Variants in ELAVL3 observed in about 807,000 individuals in gnomAD.
The protein encoded by ELAVL3 is ELAV-like protein 3.
In ELAVL3, 8 loss-of-function variants were observed where a neutral mutation model predicts 34.2. The observed-to-expected ratio is 0.23, with a 90% CI of 0.14 to 0.42. The LOEUF is 0.42. Ranked by LOEUF, ELAVL3 falls within the 10% of genes least tolerant of loss-of-function variation. The pLI is 1.00. For missense variants in ELAVL3, 273 were observed against 518.8 expected, an observed-to-expected ratio of 0.53 and a Z score of 4.60; for synonymous variants, 209 against 222.1, an observed-to-expected ratio of 0.94 and a Z score of 0.53.
chr19:11,478,340 G>A (rs563777006), intron 1 of ELAVL3, among the ~76,000 whole-genome samples: 6 of 152,270 alleles, frequency 3.9e-5, no homozygotes, highest in East Asian at 1.9e-4. Flanking sequence ...AGAGCTTAGC[G>A]GGACCAGTAT....
At chr19:11,455,743 A>G (rs894696188) in intron 6 of ELAVL3, among the ~76,000 whole-genome samples, 3 of 152,014 alleles carry the variant, frequency 2.0e-5, no homozygotes, top group Non-Finnish European at 4.4e-5. Flanking sequence ...TTCCTTTTCA[A>G]ATCATATATT....
intron 1 of ELAVL3, among the ~76,000 whole-genome samples, chr19:11,477,923 C>T (rs1971293053): frequency 6.6e-6 from 1 of 152,006 alleles, no homozygotes; most frequent in African/African-American, 2.4e-5. Context: ...CTCCTGACCT[C>T]ATGTGATCCA....
intron 6 of ELAVL3, among the ~76,000 whole-genome samples, chr19:11,455,783 G>A (rs1970756154): frequency 6.6e-6 from 1 of 152,134 alleles, no homozygotes; most frequent in Non-Finnish European, 1.5e-5. Flanking sequence ...TTCCCTGCAA[G>A]AGTTTGTTCC....
intron 1 of ELAVL3, among the ~76,000 whole-genome samples, chr19:11,471,978 A>G (rs900295885): frequency 6.6e-6 from 1 of 152,208 alleles, no homozygotes; most frequent in African/African-American, 2.4e-5. Flanking sequence ...GGGACATAAG[A>G]AGGTCAAGTA....
rs199928098 is a variant in ELAVL3, at chr19:11,470,995, G to A, written c.10-4168C>T. ...CAAGTAGCTAGGACTACAGGTGGGC[G>A]CCACCATGCCTGGCTAATTTTTAAA... On this transcript the variant is annotated intron_variant, in intron 1 of 6. Transcript: ENST00000359227. Among the ~76,000 whole-genome samples the A allele has an allele frequency of 4.6e-5, 7 of 152,224 alleles. No individual in the cohort carries two copies. In the East Asian group the frequency reaches 5.8e-4, roughly 13 times the overall value.
At position 11,458,367 on chromosome 19, in the gene ELAVL3, C is replaced by G; in HGVS notation, c.488-81G>C. The G allele has an allele frequency of 1.2e-6, 2 of 1,606,168 alleles. No individual in the cohort carries two copies. Among genetic ancestry groups the G allele is most frequent in the Non-Finnish European group, 1.7e-6 (2 of 1,175,474 alleles). On this transcript the variant is annotated intron_variant, in intron 4 of 6. Coordinates refer to ENST00000359227, the MANE Select transcript of ELAVL3 (RefSeq NM_001420.4). This position sits in a 1 kb window ranked among gnomAD's most constrained non-coding sequence, Gnocchi z 7.3. ...CACTTCTCCCTTCCCTGCTTCATGC[C>G]CTGGCATCTTGGTCGGTTTCCCCAC...
In ELAVL3 at chr19:11,458,103, C is replaced by T. The variant is rs769092105; in HGVS notation, c.671G>A (p.Arg224Gln). The T allele has an allele frequency of 5.6e-6, 9 of 1,613,766 alleles. No individual in the cohort carries two copies. The Admixed American group carries it at 6.7e-5, about 12-fold the overall frequency. ...ATGGTGTAGGGGGCCTGCGTAGCGC[C>T]GGGCGGATGACTGGTAGAGGTGGGT... Reference protein sequence around the residue: ...LLTHLYQSSARRYAGPLHHQT... With the variant: ...LLTHLYQSSAQRYAGPLHHQT... Residue 224 changes from arginine to glutamine, a missense_variant, in exon 5 of 7, where the codon CGG (arginine) becomes CAG (glutamine). This residue lies in a region of ELAVL3 where 79 missense variants were observed against 108.2 expected (regional missense o/e 0.73). Coordinates refer to ENST00000359227, the MANE Select transcript of ELAVL3 (RefSeq NM_001420.4). The surrounding 1 kb of genome is among the most constrained non-coding windows in gnomAD (Gnocchi z 7.3).
Position 11,454,911 on chromosome 19 carries a change from C to T in ELAVL3, c.753-34G>A, listed in dbSNP as rs1970737035. ...GGGGTCACGCGGGCTCTGCCCTGAC[C>T]CCCCGCATGCTTCTGACCCCGTTGT... On this transcript the variant is annotated intron_variant, in intron 6 of 6. Coordinates refer to ENST00000359227, the MANE Select transcript of ELAVL3 (RefSeq NM_001420.4). This position sits in a 1 kb window ranked among gnomAD's most constrained non-coding sequence, Gnocchi z 9.2. 7.1e-6 allele frequency: 11 copies of T among 1,559,586 alleles called. No individual in the cohort carries two copies. The highest frequency in any genetic ancestry group is 3.5e-5 in the South Asian group (3 of 84,660).
rs1970628761 is a variant in ELAVL3, at chr19:11,451,492, G to GTCT, written c.*3031_*3033dup. On this transcript the variant is annotated 3_prime_UTR_variant, in exon 7 of 7. Coordinates refer to ENST00000359227, the MANE Select transcript of ELAVL3 (RefSeq NM_001420.4). ...TTTTTTTTTTTTTGTCTTTTGTTTT[G>GTCT]TCTTTTTTTTTTTTTTTTTTTTTAC... is the stretch of plus-strand genomic sequence containing the variant. 4 of 77,358 alleles carry GTCT rather than the reference G, an allele frequency of 5.2e-5. No homozygotes were observed. The highest frequency in any genetic ancestry group is 1.3e-4 in the Admixed American group (1 of 7,772). The allele number at this position is 77,358 out of a possible 1,614,324, so 4.8% of individuals were successfully genotyped here.
rs559576265 is a variant in ELAVL3 at position 11,465,364 on chromosome 19, G to A, written c.333+808C>T. ...CACACATGCGTACACACACACATGC[G>A]TACACATATACATACACACATACAC... On this transcript the variant is annotated intron_variant, in intron 3 of 6. Coordinates refer to ENST00000359227, the MANE Select transcript of ELAVL3 (RefSeq NM_001420.4). 1.6e-3 allele frequency among the ~76,000 whole-genome samples: 239 copies of A among 146,486 alleles called. 2 individuals carry two copies. The highest frequency in any genetic ancestry group is 5.4e-3 in the African/African-American group (212 of 39,420).
At chr19:11,469,341 C>T (rs956144039) in intron 1 of ELAVL3, among the ~76,000 whole-genome samples, 1 of 152,132 alleles carries the variant, frequency 6.6e-6, no homozygotes, top group Admixed American at 6.5e-5. Flanking sequence ...AGTGCAATGG[C>T]GCGATCTTGG....
chr19:11,480,416 G>T lies in ELAVL3; in HGVS notation c.9+184C>A. ...AAGGCCCTCTCAGACCAAGCTCTAA[G>T]CGCCCTCAGCACTCTGGGCGCGGCC... is the stretch of plus-strand genomic sequence containing the variant. On this transcript the variant is annotated intron_variant, in intron 1 of 6. Coordinates refer to ENST00000359227, the MANE Select transcript of ELAVL3 (RefSeq NM_001420.4). This position sits in a 1 kb window ranked among gnomAD's most constrained non-coding sequence, Gnocchi z 6.8. 1.6e-6 allele frequency: 1 copy of T among 626,974 alleles called. No homozygotes were observed. 38.8% of individuals were successfully genotyped at this position (626,974 alleles called of 1,614,324 possible).
At chr19:11,468,052 A>T (rs1971091758) in intron 1 of ELAVL3, among the ~76,000 whole-genome samples, 1 of 151,934 alleles carries the variant, frequency 6.6e-6, no homozygotes. Flanking sequence ...GGCCTCCCAA[A>T]GTGCTGGGAT....
chr19:11,464,893 CACACACACCACAA>C (rs1277689756), intron 3 of ELAVL3, among the ~76,000 whole-genome samples: 14 of 51,202 alleles, frequency 2.7e-4, no homozygotes, highest in Admixed American at 2.0e-4. Flanking sequence ...ATACACACAC[CACACACACCACAA>C]ACACACACCA....
In ELAVL3 at chr19:11,466,978, G is replaced by T; in HGVS notation, c.10-151C>A. 1.6e-6 allele frequency: 1 copy of T among 642,392 alleles called. No individual in the cohort carries two copies. The highest frequency in any genetic ancestry group is 2.9e-5 in the Admixed American group (1 of 33,990). The allele number at this position is 642,392 out of a possible 1,614,324, so 39.8% of individuals were successfully genotyped here. ...TTATTATTCTAATGATGGGAATAAT[G>T]ATGGGATTCCATATATTGGAATAAG... On this transcript the variant is annotated intron_variant, in intron 1 of 6. Coordinates refer to ENST00000359227, the MANE Select transcript of ELAVL3 (RefSeq NM_001420.4). This position sits in a 1 kb window ranked among gnomAD's most constrained non-coding sequence, Gnocchi z 5.0.
intron 1 of ELAVL3, among the ~76,000 whole-genome samples, chr19:11,478,923 T>C (rs539440796): frequency 5.0e-4 from 76 of 152,288 alleles, no homozygotes; most frequent in Non-Finnish European, 7.9e-4. Context: ...TGGTGCTGAC[T>C]GAGCCTCCTA....
At chr19:11,463,611 G>A (rs1415968658) in intron 3 of ELAVL3, among the ~76,000 whole-genome samples, 4 of 152,040 alleles carry the variant, frequency 2.6e-5, no homozygotes, top group Admixed American at 6.6e-5. Context: ...AGAGCCAGAC[G>A]CATCCCTGAG....
In ELAVL3 at chr19:11,458,964, T is replaced by A. The variant is rs914885133; in HGVS notation, c.334-353A>T. 7.2e-3 allele frequency among the ~76,000 whole-genome samples: 1,079 copies of A among 150,686 alleles called. 7 individuals carry two copies. Among genetic ancestry groups the A allele is most frequent in the Non-Finnish European group, 0.011 (771 of 67,724 alleles). ...ACAAACATTGACCTTTTTTTTTTTT[T>A]AAAGACAGGATCTCACTTTTTTACC... On this transcript the variant is annotated intron_variant, in intron 3 of 6. Coordinates refer to ENST00000359227, the MANE Select transcript of ELAVL3 (RefSeq NM_001420.4). This position sits in a 1 kb window ranked among gnomAD's most constrained non-coding sequence, Gnocchi z 7.3.
At chr19:11,464,165 A>ATTTTT (rs1463453278) in intron 3 of ELAVL3, among the ~76,000 whole-genome samples, 2 of 111,062 alleles carry the variant, frequency 1.8e-5, no homozygotes, top group African/African-American at 9.0e-5. Context: ...ATATATATAT[A>ATTTTT]TATTTTTTTT....
Sources: allele counts gnomAD v4.1 joint callset (sites outside exome capture counted in the v4.1 genomes callset), GRCh38; gene constraint gnomAD v4.1.1; regional missense constraint gnomAD v4.1.1; non-coding constraint Gnocchi (gnomAD v3.1); transcripts MANE v1.5; gene names NCBI Gene and HGNC (gene_info 2026-07-23, HGNC 2026-07-21).